Variants in KCNH4 observed in about 807,000 individuals in gnomAD.
The protein encoded by KCNH4 is voltage-gated delayed rectifier potassium channel KCNH4.
KCNH4 carries 33 observed loss-of-function variants against 90.7 expected under a neutral mutation model. The observed-to-expected ratio is 0.36, with a 90% CI of 0.28 to 0.49. The LOEUF (loss-of-function observed/expected upper bound fraction) is 0.49, where lower values mean the gene tolerates loss of function less well. Ranked by LOEUF, KCNH4 falls within the 20% of genes least tolerant of loss-of-function variation. The probability of loss-of-function intolerance (pLI) is 0.98; values close to 1 mark genes in which losing one functional copy is unlikely to be tolerated. For synonymous variants in KCNH4, 551 were observed against 581.7 expected (o/e 0.95, Z 0.76); for missense variants, 1,044 against 1,387.1 (o/e 0.75, Z 3.93).
At chr17:42,176,973 C>T (rs762369399) in intron 4 of KCNH4, among the ~76,000 whole-genome samples, 1 of 152,198 alleles carries the variant, frequency 6.6e-6, no homozygotes, top group East Asian at 1.9e-4. Flanking sequence ...CTCACTGCAG[C>T]CTTAAACTCC....
At position 42,163,577 on chromosome 17, in the gene KCNH4, T is replaced by C; in HGVS notation, c.2477+29A>G. 4 of 1,072,730 alleles carry C rather than the reference T, an allele frequency of 3.7e-6. No homozygotes were observed. The South Asian group carries it at 6.2e-5, about 17-fold the overall frequency. The allele number at this position is 1,072,730 out of a possible 1,614,324, so 66.5% of individuals were successfully genotyped here. On this transcript the variant is annotated intron_variant, in intron 13 of 16. Coordinates refer to ENST00000264661, the MANE Select transcript of KCNH4 (RefSeq NM_012285.3). This position sits in a 1 kb window ranked among gnomAD's most constrained non-coding sequence, Gnocchi z 5.4. ...AGGTTCTGGAAGCCAATAGGGGTTTTGGGAAAGCAGGGGAGGCTGGCGTCT... is the reference window on the plus strand; with the variant it reads ...AGGTTCTGGAAGCCAATAGGGGTTTCGGGAAAGCAGGGGAGGCTGGCGTCT...
chr17:42,172,124 T>C (rs1295545735), intron 6 of KCNH4, 129 bp from the exon 7 acceptor site: 14 of 709,976 alleles, frequency 2.0e-5, no homozygotes, highest in Non-Finnish European at 2.9e-5. Flanking sequence ...ACATCTTTGC[T>C]GTCCTGAGAA....
intron 7 of KCNH4, 74 bp from the exon 8 acceptor site, chr17:42,170,375 G>A (rs1598273657): frequency 7.6e-6 from 10 of 1,323,194 alleles, no homozygotes; most frequent in African/African-American, 1.5e-5. Flanking sequence ...AGCCACCTAC[G>A]CTTGACCTTC....
rs869250233 is a variant in KCNH4 at position 42,176,509 on chromosome 17, CTTTTTTTTTTTTTTTTT to C, written c.586-229_586-213del. On this transcript the variant is annotated intron_variant, in intron 4 of 16. Coordinates refer to ENST00000264661, the MANE Select transcript of KCNH4 (RefSeq NM_012285.3). ...GCCAAGTATTTCCCAGGCCCTCCTC[CTTTTTTTTTTTTTTTTT>C]TTTTTTTTTTTTTTTGAGATAGGGT... is the stretch of plus-strand genomic sequence containing the variant. Among the ~76,000 whole-genome samples the C allele has an allele frequency of 1.7e-3, 113 of 68,468 alleles. 1 individual carries two copies. The highest frequency in any genetic ancestry group is 7.0e-3 in the African/African-American group (107 of 15,178). The allele number at this position is 68,468 out of a possible 152,430, so 44.9% of individuals were successfully genotyped here.
chr17:42,161,390 C>T (rs891343136), intron 15 of KCNH4, among the ~76,000 whole-genome samples: 3 of 152,322 alleles, frequency 2.0e-5, no homozygotes, highest in South Asian at 2.1e-4. Flanking sequence ...CTGGGATGCC[C>T]GATGTTTATC....
intron 7 of KCNH4, among the ~76,000 whole-genome samples, chr17:42,171,431 GAGA>G (rs767663997): frequency 3.9e-5 from 6 of 152,072 alleles, no homozygotes; most frequent in African/African-American, 9.7e-5. Flanking sequence ...ATGAAGCTTG[GAGA>G]AGAAGGGATT....
At chr17:42,173,711 T>TG (rs2079843310) in intron 6 of KCNH4, among the ~76,000 whole-genome samples, 2 of 134,860 alleles carry the variant, frequency 1.5e-5, no homozygotes, top group Admixed American at 1.5e-4. Flanking sequence ...TTTTTTTTTT[T>TG]TTTTTTTTTT....
chr17:42,171,980 G>A lies in KCNH4; in HGVS notation c.1003C>T (p.Leu335=). 6.2e-7 allele frequency: 1 copy of A among 1,604,076 alleles called. No individual in the cohort carries two copies. Among genetic ancestry groups the A allele is most frequent in the Non-Finnish European group, 8.5e-7 (1 of 1,176,004 alleles). ...FNITVTSLVH[L]LKTVRLLRLL... ...CGCAACAGCCGCACTGTCTTCAGTAGGTGCACCAGCGAGGTCTGCAGGAAG... is the reference window on the plus strand; with the variant it reads ...CGCAACAGCCGCACTGTCTTCAGTAAGTGCACCAGCGAGGTCTGCAGGAAG... Residue 335 remains leucine, a synonymous_variant, in exon 7 of 17, where the codon CTA becomes TTA. Transcript: ENST00000264661.
At chr17:42,159,212 A>C (rs1375247769) in intron 16 of KCNH4, among the ~76,000 whole-genome samples, 2 of 151,978 alleles carry the variant, frequency 1.3e-5, no homozygotes, top group African/African-American at 4.8e-5. Flanking sequence ...TTTTTAGTAG[A>C]GATGAGGTTT....
chr17:42,167,590 C>T (rs1478080182), intron 9 of KCNH4, among the ~76,000 whole-genome samples: 2 of 152,106 alleles, frequency 1.3e-5, no homozygotes, highest in Admixed American at 6.5e-5. Context: ...ATCTACCTAC[C>T]GGGCAGCCTC....
rs1312796664 is a variant in KCNH4, at chr17:42,180,087, T to C, written c.76+783A>G. 2.0e-5 allele frequency among the ~76,000 whole-genome samples: 3 copies of C among 152,140 alleles called. No individual in the cohort carries two copies. Among genetic ancestry groups the C allele is most frequent in the Non-Finnish European group, 1.5e-5 (1 of 68,016 alleles). On this transcript the variant is annotated intron_variant, in intron 1 of 16. Coordinates refer to ENST00000264661, the MANE Select transcript of KCNH4 (RefSeq NM_012285.3). This position sits in a 1 kb window ranked among gnomAD's most constrained non-coding sequence, Gnocchi z 4.7. ...GGCCTGTTGCCCCGGTGATGGGCGC[T>C]ATGGAAACAAGGTGGTGGGGAAGAG...
chr17:42,163,352 C>A lies in KCNH4; in HGVS notation c.2478-18G>T. 1 of 1,565,312 alleles carries A rather than the reference C, an allele frequency of 6.4e-7. No homozygotes were observed. The highest frequency in any genetic ancestry group is 8.8e-7 in the Non-Finnish European group (1 of 1,136,148). On this transcript the variant is annotated intron_variant, in intron 13 of 16. Transcript: ENST00000264661. This position sits in a 1 kb window ranked among gnomAD's most constrained non-coding sequence, Gnocchi z 5.4. ...CCACTATCCTGGGAACAGGGCAGTG[C>A]TCATCAGCACCATGGGGTGAGGGTA...
chr17:42,178,072 G>A (rs1241560927), intron 4 of KCNH4, 28 bp downstream of exon 4: 2 of 1,606,584 alleles, frequency 1.2e-6, no homozygotes, highest in East Asian at 2.2e-5. Context: ...GAGGACTTGG[G>A]AGATGTTGGG....
chr17:42,165,126 A>C (rs1402757059), intron 11 of KCNH4, among the ~76,000 whole-genome samples: 3 of 151,780 alleles, frequency 2.0e-5, no homozygotes, highest in Non-Finnish European at 2.9e-5. Flanking sequence ...AACAAAACCC[A>C]AAAAAACAAA....
At chr17:42,167,404 T>C (rs2079795708) in intron 9 of KCNH4, among the ~76,000 whole-genome samples, 1 of 152,086 alleles carries the variant, frequency 6.6e-6, no homozygotes, top group Non-Finnish European at 1.5e-5. Flanking sequence ...GTAGGTGGGA[T>C]TACAAGCACG....
intron 16 of KCNH4, among the ~76,000 whole-genome samples, chr17:42,158,935 C>T (rs941258534): frequency 1.3e-5 from 2 of 152,016 alleles, no homozygotes; most frequent in Admixed American, 6.6e-5. Flanking sequence ...CCTCCCACCT[C>T]GGCCTCCCAA....
intron 7 of KCNH4, among the ~76,000 whole-genome samples, chr17:42,170,803 A>G (rs1023806753): frequency 6.6e-6 from 1 of 152,252 alleles, no homozygotes; most frequent in African/African-American, 2.4e-5. Context: ...GTTGAGACAC[A>G]TGGAACCGAA....
chr17:42,174,734 A>G lies in KCNH4; in HGVS notation c.987+845T>C, dbSNP rs186475465. Among the ~76,000 whole-genome samples the G allele has an allele frequency of 6.4e-4, 97 of 152,208 alleles. No homozygotes were observed. The East Asian group carries it at 0.011, about 17-fold the overall frequency. On this transcript the variant is annotated intron_variant, in intron 6 of 16. Transcript: ENST00000264661. Reference sequence around the variant, plus strand: ...CACCCTGGACTTGAGAAGACCTACTATCTGCTGGCTGGGGCCACAGATGAC... The same window carrying G: ...CACCCTGGACTTGAGAAGACCTACTGTCTGCTGGCTGGGGCCACAGATGAC...
At chr17:42,178,018 G>C in intron 4 of KCNH4, 82 bp downstream of exon 4, 1 of 1,543,402 alleles carries the variant, frequency 6.5e-7, no homozygotes, top group Non-Finnish European at 8.8e-7. Context: ...AGACAGACAG[G>C]GAAGTGGGGA....
Sources: gnomAD v4.1 joint callset for allele counts (sites outside exome capture counted in the v4.1 genomes callset) on GRCh38, gnomAD v4.1.1 for gene constraint, Gnocchi (gnomAD v3.1) non-coding constraint, MANE v1.5 for transcripts, NCBI Gene and HGNC (gene_info 2026-07-23, HGNC 2026-07-21) for gene names.